The following SAMSN1 variants were observed in gnomAD, a reference collection of about 807,000 sequenced individuals.
SAMSN1 encodes SAM domain-containing protein SAMSN-1.
In SAMSN1, 31 loss-of-function variants were observed where a neutral mutation model predicts 42.0. The observed-to-expected ratio is 0.74, with a 90% CI of 0.55 to 1.00. The LOEUF (loss-of-function observed/expected upper bound fraction) is 1.00, where lower values mean the gene tolerates loss of function less well. SAMSN1 is among the 50% of genes least tolerant of loss of function. The probability of loss-of-function intolerance (pLI) is 0.00; values close to 1 mark genes in which losing one functional copy is unlikely to be tolerated. For missense variants in SAMSN1, 464 were observed against 439.4 expected (o/e 1.06, Z -0.50); for synonymous variants, 178 against 151.9 (o/e 1.17, Z -1.26).
intron 1 of SAMSN1, among the ~76,000 whole-genome samples, chr21:14,536,467 A>G (rs985566907): frequency 6.6e-6 from 1 of 152,188 alleles, no homozygotes; most frequent in Non-Finnish European, 1.5e-5. Flanking sequence ...ATCTTTCTGA[A>G]TATTATCTGA....
rs766545727 is a variant in SAMSN1, at chr21:14,510,292, G to T, written c.561+18C>A. 6.2e-7 allele frequency: 1 copy of T among 1,612,810 alleles called. No homozygotes were observed. On this transcript the variant is annotated intron_variant, in intron 5 of 7. Coordinates refer to ENST00000400566, the MANE Select transcript of SAMSN1 (RefSeq NM_022136.5). ...ATTTGACAGACCATTCAGAAGGTGG[G>T]ATATGATGTCCTCTCACCTTGATTT...
intron 3 of SAMSN1, among the ~76,000 whole-genome samples, chr21:14,516,429 GT>G (rs1271991260): frequency 6.6e-6 from 1 of 151,882 alleles, no homozygotes; most frequent in African/African-American, 2.4e-5. Flanking sequence ...ATCTTGCTCT[GT>G]TGCCAGGCTG....
intron 5 of SAMSN1, among the ~76,000 whole-genome samples, chr21:14,505,706 A>G (rs1315987868): frequency 1.3e-5 from 2 of 152,224 alleles, no homozygotes; most frequent in Non-Finnish European, 2.9e-5. Flanking sequence ...CAGAAAGTCA[A>G]CAAAGAAGCA....
At chr21:14,652,605 A>AT (rs762470803) in intron 1 of SAMSN1, among the ~76,000 whole-genome samples, 30 of 152,242 alleles carry the variant, frequency 2.0e-4, no homozygotes, top group Admixed American at 3.9e-4. Flanking sequence ...CATTAGGGAA[A>AT]ATCTTCAAGA....
At chr21:14,563,521 A>G (rs2403787) in intron 2 of SAMSN1, among the ~76,000 whole-genome samples, 152,278 of 152,278 alleles carry the variant, frequency 1, 76,139 homozygotes, top group Non-Finnish European at 1. Flanking sequence ...AAGGCTCAAA[A>G]AAGAGCTGGA....
Position 14,486,127 on chromosome 21 carries a change from A to G in SAMSN1, c.920-13T>C, listed in dbSNP as rs769826188. 1 of 1,599,816 alleles carries G rather than the reference A, an allele frequency of 6.3e-7. No homozygotes were observed. Among genetic ancestry groups the G allele is most frequent in the Non-Finnish European group, 8.6e-7 (1 of 1,168,264 alleles). ...TGCTCTTGAATAACTGTAAATGGAA[A>G]AAAAGGGCAGGAGTTAGGTAAAGCA... is the stretch of plus-strand genomic sequence containing the variant. On this transcript the variant is annotated splice_polypyrimidine_tract_variant and intron_variant, in intron 7 of 7. Transcript: ENST00000400566.
chr21:14,642,972 A>C (rs1428418349), intron 2 of SAMSN1: 1 of 714,232 alleles, frequency 1.4e-6, no homozygotes, highest in Non-Finnish European at 2.6e-6. Flanking sequence ...TAGAGAAAAA[A>C]AAATCCACTC....
chr21:14,656,950 A>T (rs541415551), intron 1 of SAMSN1, among the ~76,000 whole-genome samples: 1 of 151,832 alleles, frequency 6.6e-6, no homozygotes, highest in East Asian at 1.9e-4. Flanking sequence ...CCATTAAACC[A>T]GTGGTTTTTA....
Position 14,652,650 on chromosome 21 carries a change from C to T in SAMSN1, c.24+6098G>A, listed in dbSNP as rs1432156534. Among the ~76,000 whole-genome samples, 3 of 151,888 alleles carry T rather than the reference C, an allele frequency of 2.0e-5. 1 individual carries two copies. Among genetic ancestry groups the T allele is most frequent in the African/African-American group, 4.8e-5 (2 of 41,386 alleles). On this transcript the variant is annotated intron_variant, in intron 1 of 15. Coordinates refer to the SAMSN1 transcript ENST00000647101. ...GGGAAAGGATTTCTTGAGCAATTCC[C>T]CACAACTATAGGCAACCAAAGCAAA...
chr21:14,593,126 T>C (rs1172968190), intron 7 of SAMSN1, among the ~76,000 whole-genome samples: 7 of 152,126 alleles, frequency 4.6e-5, no homozygotes, highest in African/African-American at 9.7e-5. Flanking sequence ...AGAAAACTAT[T>C]ATAAAAACTT....
intron 5 of SAMSN1, 139 bp downstream of exon 5, chr21:14,510,171 G>A: frequency 2.6e-6 from 2 of 773,178 alleles, no homozygotes; most frequent in East Asian, 2.5e-5. Context: ...AAAAGTCTTA[G>A]TACTGTAAGC....
intron 2 of SAMSN1, among the ~76,000 whole-genome samples, chr21:14,636,315 A>G (rs1454418287): frequency 1.3e-5 from 2 of 152,004 alleles, no homozygotes; most frequent in African/African-American, 4.8e-5. Context: ...TCATCTCCCA[A>G]AAAGACACTC....
chr21:14,489,869 A>G (rs901636257), intron 7 of SAMSN1, among the ~76,000 whole-genome samples: 2 of 152,114 alleles, frequency 1.3e-5, no homozygotes, highest in Admixed American at 1.3e-4. Flanking sequence ...GTCTAATATA[A>G]TTATTCACAA....
chr21:14,648,585 C>T (rs1371725722), intron 1 of SAMSN1, among the ~76,000 whole-genome samples: 2 of 151,988 alleles, frequency 1.3e-5, no homozygotes, highest in African/African-American at 4.8e-5. Flanking sequence ...ATAAAACAAA[C>T]AACCCCATCA....
At chr21:14,658,218 C>T (rs1983946508) in intron 1 of SAMSN1, among the ~76,000 whole-genome samples, 1 of 151,822 alleles carries the variant, frequency 6.6e-6, no homozygotes, top group South Asian at 2.1e-4. Context: ...TTGAGAGGTG[C>T]TTATACCCTT....
intron 1 of SAMSN1, among the ~76,000 whole-genome samples, chr21:14,530,595 A>T (rs187187872): frequency 6.6e-6 from 1 of 152,316 alleles, no homozygotes; most frequent in Admixed American, 6.5e-5. Context: ...TGTCTGGATG[A>T]ACTATCTCTT....
At chr21:14,490,741 G>A (rs912090086) in intron 7 of SAMSN1, among the ~76,000 whole-genome samples, 1 of 152,142 alleles carries the variant, frequency 6.6e-6, no homozygotes, top group South Asian at 2.1e-4. Flanking sequence ...GTTCCCCTGA[G>A]GCCATGAGAA....
intron 2 of SAMSN1, among the ~76,000 whole-genome samples, chr21:14,617,606 T>A (rs1982875238): frequency 6.6e-6 from 1 of 152,208 alleles, no homozygotes; most frequent in African/African-American, 2.4e-5. Flanking sequence ...GTCTCATTAG[T>A]TTGTCGTATG....
exon 7 of SAMSN1, chr21:14,594,074 G>T: frequency 1.4e-6 from 1 of 710,616 alleles, no homozygotes; most frequent in South Asian, 1.5e-5. Context: ...ACATTCAGAG[G>T]TCACCTTAGA....
Sources: gnomAD v4.1 joint callset for allele counts (sites outside exome capture counted in the v4.1 genomes callset) on GRCh38, gnomAD v4.1.1 for gene constraint, MANE v1.5 for transcripts, NCBI Gene and HGNC (gene_info 2026-07-23, HGNC 2026-07-21) for gene names.